Variants in OPCML observed in about 807,000 individuals in gnomAD.
The protein encoded by OPCML is opioid-binding protein/cell adhesion molecule.
OPCML carries 13 observed loss-of-function variants against 37.8 expected under a neutral mutation model. The ratio of observed to expected loss-of-function variants is 0.34; its 90% CI spans 0.22 to 0.55. The LOEUF (loss-of-function observed/expected upper bound fraction) is 0.55, where lower values mean the gene tolerates loss of function less well. Ranked by LOEUF, OPCML falls within the 20% of genes least tolerant of loss-of-function variation. OPCML has a pLI of 0.91. For synonymous variants in OPCML, 176 were observed against 168.8 expected, an observed-to-expected ratio of 1.04 and a Z score of -0.33; for missense variants, 341 against 435.6, an observed-to-expected ratio of 0.78 and a Z score of 1.93.
intron 1 of OPCML, among the ~76,000 whole-genome samples, chr11:133,435,178 T>C (rs920258917): frequency 3.3e-5 from 5 of 152,138 alleles, no homozygotes; most frequent in African/African-American, 1.2e-4. Flanking sequence ...TATTGCATTT[T>C]ATGTAGCAAA....
chr11:133,185,427 G>C (rs1452634449), intron 1 of OPCML, among the ~76,000 whole-genome samples: 2 of 152,218 alleles, frequency 1.3e-5, no homozygotes, highest in African/African-American at 4.8e-5. Flanking sequence ...CTCACTGAGA[G>C]CCGCTGCAGG....
intron 1 of OPCML, among the ~76,000 whole-genome samples, chr11:133,218,956 T>C (rs534099557): frequency 6.6e-6 from 1 of 152,186 alleles, no homozygotes; most frequent in Non-Finnish European, 1.5e-5. Flanking sequence ...TTCTCCCTGG[T>C]GTGTTTGCTG....
At chr11:132,529,778 A>G (rs2096319033) in intron 3 of OPCML, among the ~76,000 whole-genome samples, 2 of 152,156 alleles carry the variant, frequency 1.3e-5, no homozygotes, top group South Asian at 4.2e-4. Flanking sequence ...AACTCAGTGA[A>G]ATTTTCTGAC....
intron 1 of OPCML, among the ~76,000 whole-genome samples, chr11:133,074,695 T>G (rs930421024): frequency 2.0e-5 from 3 of 152,196 alleles, no homozygotes; most frequent in Non-Finnish European, 2.9e-5. Context: ...CAGGATATTC[T>G]GCTTGTTAAT....
At chr11:132,776,404 C>T (rs923233262) in intron 2 of OPCML, among the ~76,000 whole-genome samples, 7 of 152,208 alleles carry the variant, frequency 4.6e-5, no homozygotes, top group African/African-American at 1.7e-4. Flanking sequence ...CTCTCCAAGT[C>T]TCACCTTGAA....
chr11:132,959,871 T>A (rs1946055320), intron 1 of OPCML, among the ~76,000 whole-genome samples: 1 of 152,212 alleles, frequency 6.6e-6, no homozygotes, highest in Non-Finnish European at 1.5e-5. Context: ...TCTCAATTGT[T>A]CTTTCAAAAT....
At chr11:133,245,093 T>G (rs951410575) in intron 1 of OPCML, among the ~76,000 whole-genome samples, 1 of 152,138 alleles carries the variant, frequency 6.6e-6, no homozygotes, top group African/African-American at 2.4e-5. Flanking sequence ...TCTGCCATTG[T>G]GTAAAAGGTG....
intron 1 of OPCML, among the ~76,000 whole-genome samples, chr11:133,116,616 A>G (rs537560070): frequency 6.6e-6 from 1 of 152,284 alleles, no homozygotes; most frequent in East Asian, 1.9e-4. Flanking sequence ...AATACCTAGA[A>G]GTGATCCTGT....
chr11:132,990,180 G>A (rs749056829), intron 1 of OPCML, among the ~76,000 whole-genome samples: 15 of 152,280 alleles, frequency 9.9e-5, no homozygotes, highest in Non-Finnish European at 2.2e-4. Flanking sequence ...ATGCTTTCCA[G>A]AGGCACAGAA....
intron 1 of OPCML, among the ~76,000 whole-genome samples, chr11:133,518,807 G>A (rs956998024): frequency 2.0e-5 from 3 of 151,904 alleles, no homozygotes; most frequent in Non-Finnish European, 4.4e-5. Flanking sequence ...GTTGGGGGCT[G>A]GGCTGTGAAC....
At chr11:132,484,003 A>G (rs1277762939) in intron 4 of OPCML, among the ~76,000 whole-genome samples, 2 of 152,168 alleles carry the variant, frequency 1.3e-5, no homozygotes, top group Admixed American at 1.3e-4. Context: ...GGACATAGGC[A>G]TGGGCAAGGA....
At chr11:132,592,469 C>T (rs2096486058) in intron 3 of OPCML, among the ~76,000 whole-genome samples, 1 of 152,222 alleles carries the variant, frequency 6.6e-6, no homozygotes, top group South Asian at 2.1e-4. Flanking sequence ...GGCCAGGGGC[C>T]TCAACTGCTG....
At chr11:132,794,275 C>G (rs965228010) in intron 2 of OPCML, among the ~76,000 whole-genome samples, 1 of 152,146 alleles carries the variant, frequency 6.6e-6, no homozygotes, top group Non-Finnish European at 1.5e-5. Flanking sequence ...TTCTGAGGCT[C>G]TCTTTAAGAA....
chr11:133,425,115 A>C (rs557118104), intron 1 of OPCML, among the ~76,000 whole-genome samples: 4 of 152,146 alleles, frequency 2.6e-5, no homozygotes, highest in African/African-American at 9.7e-5. Flanking sequence ...GAATCATCCA[A>C]TTGTTTACTC....
At chr11:132,570,754 A>ACTAT (rs2096435263) in intron 3 of OPCML, among the ~76,000 whole-genome samples, 2 of 52,552 alleles carry the variant, frequency 3.8e-5, no homozygotes, top group African/African-American at 1.4e-4. Flanking sequence ...CAGGAAAGAG[A>ACTAT]GTATATATAT....
At chr11:133,509,544 T>C (rs1591581694) in intron 1 of OPCML, among the ~76,000 whole-genome samples, 1 of 152,188 alleles carries the variant, frequency 6.6e-6, no homozygotes, top group Admixed American at 6.5e-5. Context: ...GTGGTGGCAA[T>C]GCTGTTCCAT....
intron 1 of OPCML, among the ~76,000 whole-genome samples, chr11:133,071,249 C>T (rs558861055): frequency 9.2e-5 from 14 of 152,244 alleles, no homozygotes; most frequent in Admixed American, 2.0e-4. Flanking sequence ...TCAAGGAAAC[C>T]AGCATAGAAA....
chr11:132,634,303 T>C (rs1940345047), intron 3 of OPCML, among the ~76,000 whole-genome samples: 1 of 152,164 alleles, frequency 6.6e-6, no homozygotes, highest in South Asian at 2.1e-4. Context: ...GAAATAGCTA[T>C]TGAGTATGTA....
rs1374766734 is a variant in OPCML at position 133,204,888 on chromosome 11, A to ATATATAT, written c.62-261885_62-261879dup. Among the ~76,000 whole-genome samples the ATATATAT allele has an allele frequency of 1.9e-4, 25 of 129,128 alleles. 1 individual carries two copies. The East Asian group carries it at 6.4e-3, about 33-fold the overall frequency. The allele number at this position is 129,128 out of a possible 152,430, so 84.7% of individuals were successfully genotyped here. On this transcript the variant is annotated intron_variant, in intron 1 of 7. Transcript: ENST00000524381. ...TATGTGTATATATATATATATATAT[A>ATATATAT]TATATATATATATATATATATACAT... is the stretch of plus-strand genomic sequence containing the variant.
Sources: allele counts gnomAD v4.1 joint callset (sites outside exome capture counted in the v4.1 genomes callset), GRCh38; gene constraint gnomAD v4.1.1; transcripts MANE v1.5; gene names NCBI Gene and HGNC (gene_info 2026-07-23, HGNC 2026-07-21).